CUX1: variants seen among roughly 807,000 people sequenced by gnomAD.
The protein encoded by CUX1 is cut like homeobox 1, also known as protein CASP.
CUX1 carries 31 observed loss-of-function variants against 158.8 expected under a neutral mutation model. That is an observed-to-expected ratio of 0.20 (90% CI 0.15 to 0.26). CUX1 has a LOEUF of 0.26. CUX1 is among the 10% of genes least tolerant of loss of function. CUX1 has a pLI of 1.00. For missense variants in CUX1, 1,589 were observed against 2,014.6 expected, an observed-to-expected ratio of 0.79 and a Z score of 4.04; for synonymous variants, 879 against 862.1, an observed-to-expected ratio of 1.02 and a Z score of -0.34.
At chr7:101,894,310 G>GT (rs1276798560) in intron 1 of CUX1, among the ~76,000 whole-genome samples, 5 of 152,150 alleles carry the variant, frequency 3.3e-5, no homozygotes, top group East Asian at 1.9e-4. Flanking sequence ...AGTTTTTTTG[G>GT]TTTTTTGTTT....
intron 3 of CUX1, among the ~76,000 whole-genome samples, chr7:102,036,402 G>A (rs1419865670): frequency 6.6e-6 from 1 of 152,216 alleles, no homozygotes; most frequent in African/African-American, 2.4e-5. Context: ...AGCTGCAGTA[G>A]TTGGCAGAGA....
In CUX1 at chr7:102,028,152, T is replaced by G. The variant is rs1820262084; in HGVS notation, c.189+7T>G. On this transcript the variant is annotated splice_region_variant and intron_variant, in intron 3 of 23. Transcript: ENST00000292535. ...GAAGAGTTTCCAAGGAGAGGTAAGC[T>G]TTTCTATTCATTTTCTATCCTGAGC... 6.2e-7 allele frequency: 1 copy of G among 1,613,208 alleles called. No homozygotes were observed. Among genetic ancestry groups the G allele is most frequent in the Non-Finnish European group, 8.5e-7 (1 of 1,179,954 alleles).
At chr7:102,171,711 G>A (rs1791738950) in intron 10 of CUX1, among the ~76,000 whole-genome samples, 1 of 151,786 alleles carries the variant, frequency 6.6e-6, no homozygotes, top group East Asian at 1.9e-4. Context: ...GCCTCCCAGA[G>A]TGCTGGGATT....
In CUX1 at chr7:101,958,743, G is replaced by C. The variant is rs564415416; in HGVS notation, c.141+42518G>C. On this transcript the variant is annotated intron_variant, in intron 2 of 23. Transcript: ENST00000292535. The stretch of plus-strand genomic sequence containing the variant: ...AGTCTGCCCACTTCAGCCTCCCAAA[G>C]TGCTGGGATTACAGGCATGAGCCAC... Among the ~76,000 whole-genome samples, 6 of 150,860 alleles carry C rather than the reference G, an allele frequency of 4.0e-5. No homozygotes were observed. The South Asian group carries it at 6.3e-4, about 16-fold the overall frequency.
chr7:102,237,292 A>G lies in CUX1; in HGVS notation c.3623-2028A>G, dbSNP rs140418400. Among the ~76,000 whole-genome samples the G allele has an allele frequency of 4.6e-5, 7 of 152,122 alleles. No individual in the cohort carries two copies. In the East Asian group the frequency reaches 1.4e-3, roughly 29 times the overall value. On this transcript the variant is annotated intron_variant, in intron 22 of 23. Transcript: ENST00000292535. ...CAGGCTGGAGGGCAGTGATGCAATC[A>G]TAGCTCACTGCTGCAGCCTCGGTGT...
At chr7:101,858,065 G>T (rs368687145) in intron 1 of CUX1, among the ~76,000 whole-genome samples, 2 of 151,984 alleles carry the variant, frequency 1.3e-5, no homozygotes, top group East Asian at 3.9e-4. Flanking sequence ...GGAGGTTACA[G>T]TGAGCCAAGA....
At position 102,273,381 on chromosome 7, in the gene CUX1, T is replaced by C. The variant is rs1292452995; in HGVS notation, c.1271T>C (p.Leu424Pro). The C allele has an allele frequency of 6.2e-7, 1 of 1,612,074 alleles. No individual in the cohort carries two copies. Among genetic ancestry groups the C allele is most frequent in the African/African-American group, 1.3e-5 (1 of 74,894 alleles). Residue 424 changes from leucine (L) to proline (P), a missense_variant, in exon 15 of 23, where the codon CTG becomes CCG. Transcript: ENST00000292538. Reference sequence around the variant, plus strand: ...TTGGCCACAGGACGCTGTGCGGAGCTGCAAGTCCGTATCACTGAGGCTGTG... The same window carrying C: ...TTGGCCACAGGACGCTGTGCGGAGCCGCAAGTCCGTATCACTGAGGCTGTG...
chr7:101,876,331 T>TAAA (rs1311899112), intron 1 of CUX1, among the ~76,000 whole-genome samples: 1 of 106,402 alleles, frequency 9.4e-6, no homozygotes, highest in African/African-American at 3.9e-5. Flanking sequence ...GGCGACAGAT[T>TAAA]AAAAAAAAAA....
At chr7:101,834,520 C>T (rs932146310) in intron 1 of CUX1, among the ~76,000 whole-genome samples, 1 of 152,086 alleles carries the variant, frequency 6.6e-6, no homozygotes, top group African/African-American at 2.4e-5. Flanking sequence ...CATTTGCATG[C>T]ACAGTGAGTT....
intron 2 of CUX1, among the ~76,000 whole-genome samples, chr7:101,952,890 TTGTC>T (rs1030214441): frequency 2.4e-4 from 36 of 152,184 alleles, no homozygotes; most frequent in Non-Finnish European, 4.1e-4. Flanking sequence ...ACTGACTTGA[TTGTC>T]TGCCTTTCCC....
At chr7:102,103,092 C>T (rs184268657) in intron 5 of CUX1, among the ~76,000 whole-genome samples, 1 of 152,164 alleles carries the variant, frequency 6.6e-6, no homozygotes, top group Non-Finnish European at 1.5e-5. Flanking sequence ...TGCGCTTTCC[C>T]AAGACAGCCC....
At chr7:102,157,173 C>T (rs1789862224) in intron 8 of CUX1, among the ~76,000 whole-genome samples, 1 of 151,740 alleles carries the variant, frequency 6.6e-6, no homozygotes, top group African/African-American at 2.4e-5. Context: ...GGAGCCTTGG[C>T]ATGGAAGGGC....
chr7:102,113,972 T>A (rs1224768329), intron 7 of CUX1, among the ~76,000 whole-genome samples: 1 of 152,152 alleles, frequency 6.6e-6, no homozygotes, highest in African/African-American at 2.4e-5. Context: ...TGGATGGGCA[T>A]GGAAGGAGCC....
At chr7:102,279,094 G>A (rs568864581) in intron 18 of CUX1, among the ~76,000 whole-genome samples, 9 of 151,658 alleles carry the variant, frequency 5.9e-5, no homozygotes, top group East Asian at 3.9e-4. Context: ...TAATCCCAGC[G>A]GTTTGGGAGG....
chr7:101,965,585 C>T (rs1325520738), intron 2 of CUX1, among the ~76,000 whole-genome samples: 2 of 151,912 alleles, frequency 1.3e-5, no homozygotes, highest in East Asian at 1.9e-4. Context: ...CGGTGGCTCA[C>T]GCCTGTAATC....
At chr7:102,194,051 C>CTT (rs74812169) in intron 13 of CUX1, 161 bp downstream of exon 13, 56 of 575,044 alleles carry the variant, frequency 9.7e-5, no homozygotes, top group Middle Eastern at 5.1e-4. Context: ...AGCAAATTAT[C>CTT]TTTTTTTTTT....
chr7:102,118,724 A>G (rs1831698447), intron 8 of CUX1, among the ~76,000 whole-genome samples: 1 of 152,044 alleles, frequency 6.6e-6, no homozygotes, highest in Non-Finnish European at 1.5e-5. Flanking sequence ...CCGGAAGTCA[A>G]GTCACTGGGT....
chr7:102,000,341 C>A (rs1298372331), intron 2 of CUX1, among the ~76,000 whole-genome samples: 7 of 152,200 alleles, frequency 4.6e-5, no homozygotes, highest in Non-Finnish European at 7.3e-5. Flanking sequence ...CAATCGGACT[C>A]TGGATGCCTC....
At chr7:102,049,685 A>AT (rs1823251336) in intron 3 of CUX1, among the ~76,000 whole-genome samples, 1 of 152,110 alleles carries the variant, frequency 6.6e-6, no homozygotes, top group Non-Finnish European at 1.5e-5. Flanking sequence ...ACCAAAAAAA[A>AT]CAAAAACAAA....
Sources: gnomAD v4.1 joint callset for allele counts (sites outside exome capture counted in the v4.1 genomes callset) on GRCh38, gnomAD v4.1.1 for gene constraint, MANE v1.5 for transcripts, NCBI Gene and HGNC (gene_info 2026-07-23, HGNC 2026-07-21) for gene names.